KCNIP4: variants seen among roughly 807,000 people sequenced by gnomAD.
KCNIP4 encodes the protein Kv channel-interacting protein 4.
Under a neutral mutation model 34.0 loss-of-function variants are expected in KCNIP4, and 12 were observed. That is an observed-to-expected ratio of 0.35 (90% CI 0.23 to 0.57). The LOEUF is 0.57. KCNIP4 is among the 20% of genes least tolerant of loss of function. KCNIP4 has a pLI of 0.83. For missense variants in KCNIP4, 238 were observed against 311.7 expected (o/e 0.76, Z 1.78); for synonymous variants, 124 against 102.2 (o/e 1.21, Z -1.29).
intron 1 of KCNIP4, among the ~76,000 whole-genome samples, chr4:21,048,215 T>A (rs1742604433): frequency 6.6e-6 from 1 of 152,216 alleles, no homozygotes; most frequent in Non-Finnish European, 1.5e-5. Flanking sequence ...ATAATAAATT[T>A]TTTTGTGTGT....
At chr4:21,226,242 G>C (rs1291364134) in intron 1 of KCNIP4, among the ~76,000 whole-genome samples, 1 of 97,086 alleles carries the variant, frequency 1.0e-5, no homozygotes, top group South Asian at 3.8e-4. Flanking sequence ...GGGGAGGGAG[G>C]GGGGGAGGGA....
At chr4:21,834,423 G>A (rs1421061121) in intron 1 of KCNIP4, among the ~76,000 whole-genome samples, 1 of 152,146 alleles carries the variant, frequency 6.6e-6, no homozygotes, top group Non-Finnish European at 1.5e-5. Flanking sequence ...GAATGCTTGT[G>A]ATTTTTGTAC....
chr4:21,377,880 C>T (rs539680355), intron 1 of KCNIP4, among the ~76,000 whole-genome samples: 11 of 152,270 alleles, frequency 7.2e-5, no homozygotes, highest in Non-Finnish European at 1.0e-4. Context: ...TCCTGACATT[C>T]GCTTTGGTTG....
At chr4:20,908,617 A>G (rs1282432124) in intron 1 of KCNIP4, among the ~76,000 whole-genome samples, 1 of 152,220 alleles carries the variant, frequency 6.6e-6, no homozygotes, top group Non-Finnish European at 1.5e-5. Context: ...AAAAGAGAAC[A>G]GGTCAGGCAT....
chr4:20,907,978 C>A (rs1162019088), intron 1 of KCNIP4, among the ~76,000 whole-genome samples: 1 of 152,090 alleles, frequency 6.6e-6, no homozygotes, highest in Non-Finnish European at 1.5e-5. Flanking sequence ...AAAAGAGATT[C>A]CTGATCCAGA....
chr4:21,926,576 A>C (rs1242995185), intron 1 of KCNIP4, among the ~76,000 whole-genome samples: 1 of 152,134 alleles, frequency 6.6e-6, no homozygotes, highest in Admixed American at 6.6e-5. Flanking sequence ...GCCAGTCCTA[A>C]ATTTCTCCAA....
chr4:21,876,883 C>T lies in KCNIP4; in HGVS notation c.61+71688G>A, dbSNP rs144819682. Among the ~76,000 whole-genome samples, 14 of 151,982 alleles carry T rather than the reference C, an allele frequency of 9.2e-5. No individual in the cohort carries two copies. The East Asian group carries it at 2.5e-3, about 27-fold the overall frequency. ...TCTGGATTATTTATGTTAGCACACT[C>T]TCAAATTTGTAGTGATAACAGGCCA... On this transcript the variant is annotated intron_variant, in intron 1 of 8. Transcript: ENST00000382152.
intron 1 of KCNIP4, among the ~76,000 whole-genome samples, chr4:21,918,035 A>G (rs759375521): frequency 3.9e-5 from 6 of 152,192 alleles, no homozygotes; most frequent in Admixed American, 3.9e-4. Context: ...GGGAAGAGCT[A>G]GGACTTTGAC....
chr4:21,038,384 G>A (rs1250021382), intron 1 of KCNIP4, among the ~76,000 whole-genome samples: 1 of 152,076 alleles, frequency 6.6e-6, no homozygotes, highest in Non-Finnish European at 1.5e-5. Flanking sequence ...TACCTTTGGT[G>A]CTTGGGGAGT....
chr4:21,237,285 C>T (rs1759436856), intron 1 of KCNIP4, among the ~76,000 whole-genome samples: 1 of 152,172 alleles, frequency 6.6e-6, no homozygotes, highest in East Asian at 1.9e-4. Flanking sequence ...TCTCATGGAG[C>T]TTATTTTATA....
chr4:21,234,113 T>C (rs1159478812), intron 1 of KCNIP4, among the ~76,000 whole-genome samples: 1 of 110,496 alleles, frequency 9.1e-6, no homozygotes, highest in Non-Finnish European at 1.6e-5. Flanking sequence ...ATATAACGTA[T>C]ATTATATATA....
chr4:21,743,585 T>C (rs945935592), intron 1 of KCNIP4, among the ~76,000 whole-genome samples: 3 of 152,046 alleles, frequency 2.0e-5, no homozygotes, highest in Non-Finnish European at 4.4e-5. Flanking sequence ...TAGATTATTT[T>C]AAATACCAAA....
At chr4:21,740,635 T>C (rs1200890342) in intron 1 of KCNIP4, among the ~76,000 whole-genome samples, 1 of 152,182 alleles carries the variant, frequency 6.6e-6, no homozygotes, top group African/African-American at 2.4e-5. Context: ...ACATCACTTA[T>C]TTCACTTATT....
At chr4:21,176,912 A>T (rs909296810) in intron 1 of KCNIP4, among the ~76,000 whole-genome samples, 1 of 152,234 alleles carries the variant, frequency 6.6e-6, no homozygotes, top group Non-Finnish European at 1.5e-5. Flanking sequence ...AGTTTTATCT[A>T]TCTCACATGT....
intron 1 of KCNIP4, among the ~76,000 whole-genome samples, chr4:21,782,356 T>A (rs774994139): frequency 2.0e-5 from 3 of 152,128 alleles, no homozygotes; most frequent in Non-Finnish European, 4.4e-5. Flanking sequence ...CAATCATACA[T>A]CTAGGCACTT....
chr4:21,256,418 TAAA>T (rs35912916), intron 1 of KCNIP4, among the ~76,000 whole-genome samples: 4 of 120,932 alleles, frequency 3.3e-5, no homozygotes, highest in Admixed American at 1.7e-4. Flanking sequence ...CATCCCTGCT[TAAA>T]AAAAAAAAAA....
chr4:20,781,472 A>T (rs778697717), intron 3 of KCNIP4, among the ~76,000 whole-genome samples: 1 of 152,200 alleles, frequency 6.6e-6, no homozygotes, highest in Admixed American at 6.5e-5. Flanking sequence ...GAAGAAAAAG[A>T]GGTTTAATTG....
At chr4:21,652,902 AT>A (rs1444538470) in intron 1 of KCNIP4, among the ~76,000 whole-genome samples, 1 of 152,182 alleles carries the variant, frequency 6.6e-6, no homozygotes, top group African/African-American at 2.4e-5. Context: ...ACTTCAAGCA[AT>A]GTGGAGCAAT....
chr4:20,987,535 T>C (rs1577490754), intron 1 of KCNIP4, among the ~76,000 whole-genome samples: 1 of 152,304 alleles, frequency 6.6e-6, no homozygotes, highest in East Asian at 1.9e-4. Flanking sequence ...TTAGGTGTTA[T>C]TATCACTATT....
Sources: gnomAD v4.1 joint callset for allele counts (sites outside exome capture counted in the v4.1 genomes callset) on GRCh38, gnomAD v4.1.1 for gene constraint, MANE v1.5 for transcripts, NCBI Gene and HGNC (gene_info 2026-07-23, HGNC 2026-07-21) for gene names.